Variants in FBXO4 observed in about 807,000 individuals in gnomAD.
The protein encoded by FBXO4 is F-box protein 4, also known as F-box only protein 4.
A neutral mutation model predicts 43.7 loss-of-function variants in FBXO4; 36 were observed. The observed-to-expected ratio is 0.82, with a 90% CI of 0.63 to 1.09. The LOEUF (loss-of-function observed/expected upper bound fraction) is 1.09. Among genes scored for constraint, FBXO4 ranks in the 50% least tolerant of loss-of-function variants. The probability of loss-of-function intolerance (pLI) is 0.00; values close to 1 mark genes in which losing one functional copy is unlikely to be tolerated. For missense variants in FBXO4, 435 were observed against 474.1 expected (o/e 0.92, Z 0.77); for synonymous variants, 180 against 165.6 (o/e 1.09, Z -0.67).
chr5:42,031,238 G>A, the FBXO4 span, among the ~76,000 whole-genome samples: 1 of 152,120 alleles, frequency 6.6e-6, no homozygotes, highest in Admixed American at 6.6e-5. Context: ...ACTGGATTAA[G>A]AAAATGTGGC....
At chr5:41,946,508 G>A (rs544616599), downstream of FBXO4, among the ~76,000 whole-genome samples, 1 of 152,280 alleles carries the variant, frequency 6.6e-6, no homozygotes, top group South Asian at 2.1e-4. Context: ...TTGCTGAAAA[G>A]CACTTGCCTT....
chr5:42,008,436 G>A, the FBXO4 span, among the ~76,000 whole-genome samples: 1 of 152,074 alleles, frequency 6.6e-6, no homozygotes, highest in African/African-American at 2.4e-5. Context: ...AAATGTTTCA[G>A]GGGATTTGTT....
chr5:41,996,720 T>C, the FBXO4 span, among the ~76,000 whole-genome samples: 2 of 152,360 alleles, frequency 1.3e-5, no homozygotes, highest in East Asian at 3.9e-4. Context: ...TGCATCTTTC[T>C]TGGTTTTCTC....
chr5:42,003,656 C>T, the FBXO4 span, among the ~76,000 whole-genome samples: 18 of 146,706 alleles, frequency 1.2e-4, no homozygotes, highest in Admixed American at 1.2e-3. Context: ...TCTCCTAATG[C>T]TATCCCTCCC....
chr5:42,029,881 T>G, the FBXO4 span, among the ~76,000 whole-genome samples: 1 of 152,102 alleles, frequency 6.6e-6, no homozygotes, highest in African/African-American at 2.4e-5. Flanking sequence ...CTTGAATTTT[T>G]TGGAGTTTCC....
the FBXO4 span, among the ~76,000 whole-genome samples, chr5:42,017,842 C>T: frequency 2.0e-5 from 3 of 151,780 alleles, no homozygotes; most frequent in Non-Finnish European, 2.9e-5. Flanking sequence ...TCTAATCTAC[C>T]GTCTCTGGGC....
chr5:41,928,095 C>T (rs1413463106), intron 2 of FBXO4, among the ~76,000 whole-genome samples: 1 of 151,898 alleles, frequency 6.6e-6, no homozygotes, highest in East Asian at 1.9e-4. Flanking sequence ...ATACAGATGC[C>T]ATTATGTCAA....
At chr5:42,028,750 CAT>C in the FBXO4 span, among the ~76,000 whole-genome samples, 1 of 151,184 alleles carries the variant, frequency 6.6e-6, no homozygotes, top group Non-Finnish European at 1.5e-5. Context: ...TCTTATAACC[CAT>C]TATTTTAACC....
At chr5:41,962,274 A>G in the FBXO4 span, among the ~76,000 whole-genome samples, 1 of 152,080 alleles carries the variant, frequency 6.6e-6, no homozygotes, top group African/African-American at 2.4e-5. Flanking sequence ...CATCTGAAGG[A>G]TTTGTTTCCA....
chr5:41,950,170 C>A, the FBXO4 span, among the ~76,000 whole-genome samples: 4 of 152,124 alleles, frequency 2.6e-5, no homozygotes, highest in South Asian at 4.2e-4. Flanking sequence ...GACTTCATGA[C>A]GAAAACACCA....
chr5:41,953,312 C>T, the FBXO4 span, among the ~76,000 whole-genome samples: 1 of 151,214 alleles, frequency 6.6e-6, no homozygotes, highest in Non-Finnish European at 1.5e-5. Context: ...CATGTCCCTA[C>T]AAAGGACATG....
At chr5:42,001,681 T>C in the FBXO4 span, among the ~76,000 whole-genome samples, 2 of 152,182 alleles carry the variant, frequency 1.3e-5, no homozygotes, top group African/African-American at 4.8e-5. Context: ...TACTTTTTTA[T>C]TTTATAAATT....
At chr5:41,939,643 A>G (rs1419512164) in intron 6 of FBXO4, 27 bp downstream of exon 6, 1 of 1,538,638 alleles carries the variant, frequency 6.5e-7, no homozygotes, top group Admixed American at 2.0e-5. Context: ...TCTAGTGACA[A>G]AAATTTTATT....
chr5:41,985,538 A>C, the FBXO4 span, among the ~76,000 whole-genome samples: 2 of 152,180 alleles, frequency 1.3e-5, no homozygotes, highest in African/African-American at 2.4e-5. Context: ...AATGAAAAGA[A>C]AATTTTCAGG....
At chr5:41,995,916 G>A in the FBXO4 span, among the ~76,000 whole-genome samples, 4 of 152,162 alleles carry the variant, frequency 2.6e-5, no homozygotes, top group Non-Finnish European at 5.9e-5. Flanking sequence ...GGCCCACTGG[G>A]AAGATTTCCC....
At chr5:42,006,868 C>G in the FBXO4 span, among the ~76,000 whole-genome samples, 1 of 106,308 alleles carries the variant, frequency 9.4e-6, no homozygotes, top group Non-Finnish European at 1.8e-5. Context: ...GCTTTGCCTA[C>G]ATTCCTAAGG....
At chr5:41,966,613 C>T in the FBXO4 span, among the ~76,000 whole-genome samples, 2 of 152,106 alleles carry the variant, frequency 1.3e-5, no homozygotes, top group African/African-American at 2.4e-5. Context: ...TTATTTTTTT[C>T]CTAGCCGGTT....
chr5:42,004,891 C>T, the FBXO4 span, among the ~76,000 whole-genome samples: 1 of 152,070 alleles, frequency 6.6e-6, no homozygotes, highest in Non-Finnish European at 1.5e-5. Context: ...ACACTAAAAC[C>T]ATGTTTTTCA....
the FBXO4 span, among the ~76,000 whole-genome samples, chr5:41,999,534 T>C: frequency 0.013 from 1,342 of 101,094 alleles, 46 homozygotes; most frequent in African/African-American, 0.053. Context: ...CATATATATA[T>C]ACATATATAT....
Sources: gnomAD v4.1 joint callset for allele counts (sites outside exome capture counted in the v4.1 genomes callset) on GRCh38, gnomAD v4.1.1 for gene constraint, MANE v1.5 for transcripts, NCBI Gene and HGNC (gene_info 2026-07-23, HGNC 2026-07-21) for gene names.